CRHR1: variants seen among roughly 807,000 people sequenced by gnomAD.
CRHR1 encodes corticotropin-releasing hormone receptor 1.
A neutral mutation model predicts 56.0 loss-of-function variants in CRHR1; 28 were observed. That is an observed-to-expected ratio of 0.50 (90% CI 0.37 to 0.69). The LOEUF (loss-of-function observed/expected upper bound fraction) is 0.69. Among genes scored for constraint, CRHR1 ranks in the 30% least tolerant of loss-of-function variants. CRHR1 has a pLI of 0.00. For missense variants in CRHR1, 376 were observed against 548.0 expected (o/e 0.69, Z 3.13); for synonymous variants, 195 against 216.5 (o/e 0.90, Z 0.87).
chr17:45,827,141 T>C (rs1194013788), intron 4 of CRHR1: 1 of 152,348 alleles, frequency 6.6e-6, no homozygotes, highest in Non-Finnish European at 1.5e-5. Context: ...CAAGGGCAGC[T>C]GTGGGAAAGA....
At chr17:45,797,763 C>T (rs113454914) in intron 1 of CRHR1, among the ~76,000 whole-genome samples, 5 of 152,110 alleles carry the variant, frequency 3.3e-5, no homozygotes, top group Admixed American at 3.3e-4. Flanking sequence ...TCTCCAGCCC[C>T]AAGTTTAGAG....
chr17:45,813,397 T>C (rs2061863340), intron 2 of CRHR1, among the ~76,000 whole-genome samples: 3 of 152,280 alleles, frequency 2.0e-5, no homozygotes, highest in East Asian at 1.9e-4. Context: ...CCTTTTCATT[T>C]GGCTTCTCCT....
At chr17:45,797,764 A>G (rs1412121697) in intron 1 of CRHR1, among the ~76,000 whole-genome samples, 1 of 152,094 alleles carries the variant, frequency 6.6e-6, no homozygotes, top group Non-Finnish European at 1.5e-5. Context: ...CTCCAGCCCC[A>G]AGTTTAGAGA....
chr17:45,813,365 G>A (rs962558704), intron 2 of CRHR1, among the ~76,000 whole-genome samples: 3 of 151,642 alleles, frequency 2.0e-5, no homozygotes, highest in Non-Finnish European at 4.4e-5. Context: ...ACTCGGGGAT[G>A]GGGGAACTTT....
chr17:45,809,545 C>G (rs898871081), intron 2 of CRHR1, among the ~76,000 whole-genome samples: 4 of 152,254 alleles, frequency 2.6e-5, no homozygotes, highest in Non-Finnish European at 5.9e-5. Flanking sequence ...CCCGTGCCCC[C>G]AGCCCAGCCC....
At chr17:45,788,060 C>T (rs2061365371) in intron 1 of CRHR1, among the ~76,000 whole-genome samples, 2 of 152,224 alleles carry the variant, frequency 1.3e-5, no homozygotes. Flanking sequence ...ATTTCTCACC[C>T]TCTCTAACAT....
chr17:45,828,552 G>A (rs1341137917), intron 4 of CRHR1, among the ~76,000 whole-genome samples: 2 of 152,216 alleles, frequency 1.3e-5, no homozygotes, highest in Non-Finnish European at 2.9e-5. Context: ...AATAAACCCG[G>A]GGAATGTGTT....
In CRHR1 at chr17:45,809,907, A is replaced by G. The variant is rs566223479; in HGVS notation, c.121+2810A>G. On this transcript the variant is annotated intron_variant, in intron 2 of 12. Coordinates refer to ENST00000314537, the MANE Select transcript of CRHR1 (RefSeq NM_004382.5). Reference sequence around the variant, plus strand: ...AATAGAATCATTTACTAATGACATCACAGACAAATAGAATCTGAGTTGACA... The same window carrying G: ...AATAGAATCATTTACTAATGACATCGCAGACAAATAGAATCTGAGTTGACA... Among the ~76,000 whole-genome samples, 3 of 152,372 alleles carry G rather than the reference A, an allele frequency of 2.0e-5. No individual in the cohort carries two copies. In the East Asian group the frequency reaches 5.8e-4, roughly 29 times the overall value.
At chr17:45,806,220 A>C (rs1308893679) in intron 1 of CRHR1, among the ~76,000 whole-genome samples, 2 of 152,192 alleles carry the variant, frequency 1.3e-5, no homozygotes, top group Non-Finnish European at 2.9e-5. Context: ...CCCTCCAGGT[A>C]TAGGGCCTAT....
At chr17:45,811,234 T>C (rs1047150027) in intron 2 of CRHR1, among the ~76,000 whole-genome samples, 8 of 152,238 alleles carry the variant, frequency 5.3e-5, no homozygotes, top group African/African-American at 1.9e-4. Context: ...CAGTGCCTGA[T>C]TGTGCACAGC....
Position 45,834,907 on chromosome 17 carries a change from G to GA in CRHR1, c.*143_*144insA. On this transcript the variant is annotated 3_prime_UTR_variant, in exon 13 of 13. Transcript: ENST00000314537. Reference sequence around the variant, plus strand: ...GCAGCTGGCACTGACAGCCTGGGGGGGCCGCTCTCCCCCTGCAGCCGTGCA... The same window carrying GA: ...GCAGCTGGCACTGACAGCCTGGGGGGAGCCGCTCTCCCCCTGCAGCCGTGCA... The GA allele has an allele frequency of 8.8e-7, 1 of 1,130,454 alleles. No individual in the cohort carries two copies. 70.0% of individuals were successfully genotyped at this position (1,130,454 alleles called of 1,614,324 possible).
intron 1 of CRHR1, among the ~76,000 whole-genome samples, chr17:45,806,496 G>A (rs1250396867): frequency 6.6e-6 from 1 of 152,202 alleles, no homozygotes. Flanking sequence ...AGGCAGGCGG[G>A]GATGAGGGCC....
chr17:45,785,500 A>G (rs963041833), intron 1 of CRHR1, among the ~76,000 whole-genome samples: 1 of 152,066 alleles, frequency 6.6e-6, no homozygotes, highest in Non-Finnish European at 1.5e-5. Context: ...TGCTGCCGGG[A>G]CACCCCGCTT....
chr17:45,793,632 C>T (rs1245168770), intron 1 of CRHR1, among the ~76,000 whole-genome samples: 1 of 152,076 alleles, frequency 6.6e-6, no homozygotes, highest in African/African-American at 2.4e-5. Context: ...GGCGTCTTTT[C>T]TCTCCTGATG....
At position 45,830,505 on chromosome 17, in the gene CRHR1, C is replaced by G. The variant is rs776892398; in HGVS notation, c.644C>G (p.Thr215Arg). ...TTCGGCGAGGGCTGCTACCTGCACACAGCCATCGTGCTCACCTACTCCACT... is the reference window on the plus strand; with the variant it reads ...TTCGGCGAGGGCTGCTACCTGCACAGAGCCATCGTGCTCACCTACTCCACT... The part of the protein sequence containing the change: ...WMFGEGCYLH[T>R]AIVLTYSTDR... Residue 215 changes from threonine to arginine, a missense_variant, in exon 7 of 13, where the codon ACA becomes AGA. Around this residue, in one of 2 missense-constraint regions of CRHR1, gnomAD observed 369 missense variants for 519.5 expected, o/e 0.71. Coordinates refer to ENST00000314537, the MANE Select transcript of CRHR1 (RefSeq NM_004382.5). The G allele has an allele frequency of 6.2e-7, 1 of 1,613,770 alleles. No homozygotes were observed. The highest frequency in any genetic ancestry group is 1.7e-5 in the Admixed American group (1 of 60,010).
intron 1 of CRHR1, among the ~76,000 whole-genome samples, chr17:45,806,500 G>A (rs1486468657): frequency 1.3e-5 from 2 of 152,216 alleles, no homozygotes; most frequent in South Asian, 2.1e-4. Context: ...AGGCGGGGAT[G>A]AGGGCCCAGG....
intron 1 of CRHR1, among the ~76,000 whole-genome samples, chr17:45,803,211 G>C (rs1211749586): frequency 6.6e-6 from 1 of 152,158 alleles, no homozygotes; most frequent in Non-Finnish European, 1.5e-5. Context: ...GATACTGGGA[G>C]ATAATAAGTA....
Position 45,833,197 on chromosome 17 carries a change from T to G in CRHR1, c.830T>G (p.Ile277Ser). ...YTDYIYQGPM[I>S]LVLLINFIFL... Reference sequence around the variant, plus strand: ...GACTACATCTACCAGGGCCCCATGATCCTGGTCCTGCTGGTAAGAACCTGG... The same window carrying G: ...GACTACATCTACCAGGGCCCCATGAGCCTGGTCCTGCTGGTAAGAACCTGG... The change falls in exon 9 of 13, where the codon ATC (isoleucine) becomes AGC (serine). Residue 277 changes from isoleucine (I) to serine (S), a missense_variant. By Grantham distance (142) the Ile-to-Ser change is moderately radical. Coordinates refer to ENST00000314537, the MANE Select transcript of CRHR1 (RefSeq NM_004382.5). 1 of 1,614,054 alleles carries G rather than the reference T, an allele frequency of 6.2e-7. No homozygotes were observed. Among genetic ancestry groups the G allele is most frequent in the Non-Finnish European group, 8.5e-7 (1 of 1,179,978 alleles).
intron 1 of CRHR1, among the ~76,000 whole-genome samples, chr17:45,791,653 G>A (rs896978251): frequency 2.0e-5 from 3 of 151,996 alleles, no homozygotes; most frequent in African/African-American, 7.2e-5. Context: ...GCCCGAAGCC[G>A]TCCTCAGCTG....
Sources: gnomAD v4.1 joint callset for allele counts (sites outside exome capture counted in the v4.1 genomes callset) on GRCh38, gnomAD v4.1.1 for gene constraint, gnomAD v4.1.1 regional missense constraint, MANE v1.5 for transcripts, NCBI Gene and HGNC (gene_info 2026-07-23, HGNC 2026-07-21) for gene names.